The following CHCHD3 variants were observed in gnomAD, a reference collection of about 807,000 sequenced individuals.
CHCHD3 encodes the protein coiled-coil-helix-coiled-coil-helix domain containing 3, also known as MICOS complex subunit MIC19.
CHCHD3 carries 20 observed loss-of-function variants against 38.2 expected under a neutral mutation model. The observed-to-expected ratio is 0.52, with a 90% CI of 0.37 to 0.76. The LOEUF (loss-of-function observed/expected upper bound fraction) is 0.76. CHCHD3 is among the 30% of genes least tolerant of loss of function. The pLI, the probability that CHCHD3 is intolerant of heterozygous loss-of-function variation, is 0.00. For missense variants in CHCHD3, 245 were observed against 279.2 expected, an observed-to-expected ratio of 0.88 and a Z score of 0.87; for synonymous variants, 82 against 100.0, an observed-to-expected ratio of 0.82 and a Z score of 1.07.
chr7:132,867,690 T>A (rs144685467), intron 5 of CHCHD3, among the ~76,000 whole-genome samples: 1 of 152,320 alleles, frequency 6.6e-6, no homozygotes, highest in African/African-American at 2.4e-5. Flanking sequence ...AGAATTTTAT[T>A]GCTTTTACTA....
intron 3 of CHCHD3, among the ~76,000 whole-genome samples, chr7:133,020,414 C>T (rs1168234271): frequency 1.3e-5 from 2 of 151,932 alleles, no homozygotes; most frequent in East Asian, 1.9e-4. Context: ...TCATCAGTTT[C>T]GATGATTTTG....
intron 6 of CHCHD3, among the ~76,000 whole-genome samples, chr7:132,824,019 A>C (rs1011474341): frequency 2.0e-5 from 3 of 152,116 alleles, no homozygotes; most frequent in African/African-American, 4.8e-5. Flanking sequence ...AATCTTTACT[A>C]TGTTCCGTCC....
At chr7:132,955,302 A>T (rs1327179399) in intron 4 of CHCHD3, among the ~76,000 whole-genome samples, 1 of 151,974 alleles carries the variant, frequency 6.6e-6, no homozygotes, top group East Asian at 1.9e-4. Flanking sequence ...GTCGTGAACA[A>T]AGCAAACACC....
intron 3 of CHCHD3, among the ~76,000 whole-genome samples, chr7:132,988,091 A>G (rs1812170336): frequency 1.3e-5 from 2 of 152,268 alleles, no homozygotes; most frequent in African/African-American, 2.4e-5. Flanking sequence ...GACTATTACT[A>G]GTTCAGTTTT....
intron 4 of CHCHD3, among the ~76,000 whole-genome samples, chr7:132,971,628 G>C (rs1811614410): frequency 6.6e-6 from 1 of 151,582 alleles, no homozygotes; most frequent in Admixed American, 6.5e-5. Context: ...AAGATGTGGG[G>C]GGTGTGGGGT....
chr7:133,034,993 A>C (rs756661342), intron 2 of CHCHD3: 6 of 1,608,952 alleles, frequency 3.7e-6, no homozygotes, highest in Non-Finnish European at 5.1e-6. Context: ...TGCTCCCAGA[A>C]ATATGGCAGT....
At chr7:132,911,583 TG>T (rs1238361550) in intron 4 of CHCHD3, among the ~76,000 whole-genome samples, 10 of 152,252 alleles carry the variant, frequency 6.6e-5, no homozygotes, top group Non-Finnish European at 1.5e-4. Context: ...AGTAGTGATT[TG>T]GGAAAATACA....
chr7:133,079,022 T>C (rs1375912362), intron 1 of CHCHD3, among the ~76,000 whole-genome samples: 1 of 152,186 alleles, frequency 6.6e-6, no homozygotes, highest in Non-Finnish European at 1.5e-5. Context: ...ACAAAGTGAC[T>C]ATTTAAAGCC....
intron 4 of CHCHD3, among the ~76,000 whole-genome samples, chr7:132,946,799 G>A (rs1039158463): frequency 3.3e-5 from 5 of 151,678 alleles, no homozygotes; most frequent in South Asian, 2.1e-4. Context: ...ATAAATGAGC[G>A]AATTATATTA....
intron 3 of CHCHD3, among the ~76,000 whole-genome samples, chr7:133,016,871 G>C (rs551606118): frequency 6.6e-6 from 1 of 152,214 alleles, no homozygotes; most frequent in Non-Finnish European, 1.5e-5. Flanking sequence ...GCTAGGTCCA[G>C]CCTATGTGGA....
intron 4 of CHCHD3, among the ~76,000 whole-genome samples, chr7:132,919,803 C>T (rs1393828057): frequency 6.6e-6 from 1 of 152,180 alleles, no homozygotes. Context: ...CTCCAAATGA[C>T]TAGCCCTCTA....
intron 5 of CHCHD3, among the ~76,000 whole-genome samples, chr7:132,872,075 C>T (rs7784490): frequency 6.6e-6 from 1 of 151,920 alleles, no homozygotes; most frequent in Non-Finnish European, 1.5e-5. Context: ...GTTAAAAGTA[C>T]GGCTGGCTTG....
intron 4 of CHCHD3, among the ~76,000 whole-genome samples, chr7:132,974,933 A>G (rs1455595166): frequency 6.6e-6 from 1 of 152,198 alleles, no homozygotes; most frequent in Non-Finnish European, 1.5e-5. Flanking sequence ...GGTGTGAAAC[A>G]TGTACACATG....
At position 132,875,459 on chromosome 7, in the gene CHCHD3, T is replaced by C. The variant is rs140784700; in HGVS notation, c.453+10203A>G. 3.2e-3 allele frequency among the ~76,000 whole-genome samples: 486 copies of C among 152,328 alleles called. 3 individuals carry two copies. Among genetic ancestry groups the C allele is most frequent in the African/African-American group, 0.011 (467 of 41,584 alleles). On this transcript the variant is annotated intron_variant, in intron 5 of 7. Coordinates refer to ENST00000262570, the MANE Select transcript of CHCHD3 (RefSeq NM_017812.4). ...GAACTACTTGAGGCAACCAATGTAT[T>C]GGGGTCTTCATCTGATAATTTAACC... is the stretch of plus-strand genomic sequence containing the variant.
intron 6 of CHCHD3, chr7:132,830,649 C>T (rs974639478): frequency 9.2e-5 from 14 of 152,250 alleles, no homozygotes; most frequent in African/African-American, 3.1e-4. Context: ...GCTTCATATA[C>T]AAAGTATATT....
chr7:133,033,235 C>T (rs890829294), intron 2 of CHCHD3, among the ~76,000 whole-genome samples: 14 of 152,194 alleles, frequency 9.2e-5, no homozygotes, highest in African/African-American at 3.4e-4. Flanking sequence ...CCATGCAAAA[C>T]ATACTTTCTG....
At chr7:132,893,746 G>C (rs765099825) in intron 4 of CHCHD3, among the ~76,000 whole-genome samples, 4 of 152,142 alleles carry the variant, frequency 2.6e-5, no homozygotes, top group Non-Finnish European at 4.4e-5. Context: ...GAGATCTGAT[G>C]GTTCTGTAAG....
intron 3 of CHCHD3, among the ~76,000 whole-genome samples, chr7:133,001,121 T>C (rs573693335): frequency 2.0e-5 from 3 of 152,314 alleles, no homozygotes; most frequent in East Asian, 3.9e-4. Context: ...GCAAGGCCTG[T>C]GTTTAACCTA....
intron 4 of CHCHD3, among the ~76,000 whole-genome samples, chr7:132,898,572 T>C (rs567821580): frequency 2.2e-4 from 33 of 152,266 alleles, no homozygotes; most frequent in African/African-American, 6.5e-4. Flanking sequence ...AGGCTGCAGG[T>C]GGAGTTGCCT....
Sources: allele counts gnomAD v4.1 joint callset (sites outside exome capture counted in the v4.1 genomes callset), GRCh38; gene constraint gnomAD v4.1.1; transcripts MANE v1.5; gene names NCBI Gene and HGNC (gene_info 2026-07-23, HGNC 2026-07-21).